The following SLC5A4 variants were observed in gnomAD, a reference collection of about 807,000 sequenced individuals.
SLC5A4 encodes probable glucose sensor protein SLC5A4.
Under a neutral mutation model 70.3 loss-of-function variants are expected in SLC5A4, and 55 were observed. That is an observed-to-expected ratio of 0.78 (90% CI 0.63 to 0.98). The LOEUF (loss-of-function observed/expected upper bound fraction) is 0.98, where lower values mean the gene tolerates loss of function less well. Ranked by LOEUF, SLC5A4 falls within the 50% of genes least tolerant of loss-of-function variation. The pLI is 0.00. For synonymous variants in SLC5A4, 268 were observed against 305.7 expected, an observed-to-expected ratio of 0.88 and a Z score of 1.29; for missense variants, 735 against 839.2, an observed-to-expected ratio of 0.88 and a Z score of 1.53.
chr22:32,329,686 T>A, the SLC5A4 span, among the ~76,000 whole-genome samples: 3 of 26,840 alleles, frequency 1.1e-4, no homozygotes, highest in African/African-American at 2.0e-4. Flanking sequence ...GGGGCTCTGG[T>A]GTGTGTGTGT....
At chr22:32,279,144 C>A in the SLC5A4 span, among the ~76,000 whole-genome samples, 3 of 151,856 alleles carry the variant, frequency 2.0e-5, no homozygotes, top group Non-Finnish European at 4.4e-5. Flanking sequence ...GGCGTGGTGG[C>A]GGGCACCTGT....
the SLC5A4 span, among the ~76,000 whole-genome samples, chr22:32,326,099 G>C: frequency 3.9e-5 from 6 of 152,222 alleles, no homozygotes; most frequent in African/African-American, 1.4e-4. Flanking sequence ...CCAGAATGCA[G>C]ACCCTCTGTG....
chr22:32,265,854 C>G, the SLC5A4 span, among the ~76,000 whole-genome samples: 1 of 152,044 alleles, frequency 6.6e-6, no homozygotes, highest in Non-Finnish European at 1.5e-5. Flanking sequence ...AAAGGAAAAA[C>G]AAAACAAAAC....
intron 13 of SLC5A4, 122 bp from the exon 14 acceptor site, chr22:32,221,144 G>A (rs1925059014): frequency 5.4e-6 from 3 of 551,684 alleles, no homozygotes; most frequent in African/African-American, 1.9e-5. Context: ...GGAGAATATA[G>A]ATCACAAAGA....
intron 3 of SLC5A4, among the ~76,000 whole-genome samples, chr22:32,249,196 G>T (rs117823002): frequency 0.013 from 1,958 of 152,324 alleles, 11 homozygotes; most frequent in South Asian, 0.027. Flanking sequence ...CACATACAGT[G>T]ACGATAATAA....
the SLC5A4 span, among the ~76,000 whole-genome samples, chr22:32,354,617 G>A: frequency 6.6e-6 from 1 of 151,632 alleles, no homozygotes; most frequent in African/African-American, 2.4e-5. Context: ...ACTGCCGCTA[G>A]CAGTACAGCT....
upstream of SLC5A4, among the ~76,000 whole-genome samples, chr22:32,255,883 G>T (rs1440639710): frequency 6.6e-6 from 1 of 152,190 alleles, no homozygotes. Context: ...GGCTCTTCAA[G>T]CACCATATGT....
chr22:32,267,115 C>T, the SLC5A4 span, among the ~76,000 whole-genome samples: 16 of 152,322 alleles, frequency 1.1e-4, no homozygotes, highest in South Asian at 1.9e-3. Flanking sequence ...ATCTTACCAA[C>T]GCCCACAATA....
At chr22:32,312,569 C>T in the SLC5A4 span, among the ~76,000 whole-genome samples, 2 of 152,014 alleles carry the variant, frequency 1.3e-5, no homozygotes, top group African/African-American at 2.4e-5. Flanking sequence ...TCTCAGAAGC[C>T]ACCAGCCCAA....
At chr22:32,309,283 C>G in the SLC5A4 span, among the ~76,000 whole-genome samples, 2 of 152,188 alleles carry the variant, frequency 1.3e-5, no homozygotes, top group African/African-American at 4.8e-5. Context: ...CACACAGTTC[C>G]CAGTGAGAAA....
chr22:32,220,769 T>A, intron 14 of SLC5A4, 151 bp downstream of exon 14: 1 of 653,464 alleles, frequency 1.5e-6, no homozygotes, highest in Non-Finnish European at 2.7e-6. Context: ...TATGTTGTCT[T>A]GGTTTTTGGA....
At chr22:32,223,922 G>T (rs1245939944) in intron 13 of SLC5A4, among the ~76,000 whole-genome samples, 1 of 151,944 alleles carries the variant, frequency 6.6e-6, no homozygotes, top group African/African-American at 2.4e-5. Flanking sequence ...AAAAGGCAAG[G>T]AACTCTTTTT....
the SLC5A4 span, among the ~76,000 whole-genome samples, chr22:32,266,946 T>G: frequency 1.3e-5 from 2 of 152,366 alleles, no homozygotes; most frequent in South Asian, 2.1e-4. Context: ...CTAATGAGTG[T>G]GGTTTTAGGA....
chr22:32,249,582 AG>A (rs1227519341), intron 3 of SLC5A4, among the ~76,000 whole-genome samples: 2 of 152,212 alleles, frequency 1.3e-5, no homozygotes, highest in Non-Finnish European at 2.9e-5. Flanking sequence ...TCAGCAGGGG[AG>A]GGGCACAGGT....
the SLC5A4 span, among the ~76,000 whole-genome samples, chr22:32,352,816 C>T: frequency 6.6e-6 from 1 of 152,248 alleles, no homozygotes. Context: ...TGTGCCCTGG[C>T]GGCAGCCAGC....
At chr22:32,276,492 T>G in the SLC5A4 span, among the ~76,000 whole-genome samples, 12 of 152,362 alleles carry the variant, frequency 7.9e-5, no homozygotes, top group Middle Eastern at 3.4e-3. Context: ...GAGAACAAAC[T>G]ATTTTCAAGT....
the SLC5A4 span, among the ~76,000 whole-genome samples, chr22:32,291,255 AC>A: frequency 4.0e-4 from 54 of 135,352 alleles, no homozygotes; most frequent in African/African-American, 1.3e-3. Context: ...CCAGGCTGCC[AC>A]CCTCCGCCTC....
Position 32,219,630 on chromosome 22 carries a change from CAAAAAAAAAAAA to C in SLC5A4, c.1769-917_1769-906del. On this transcript the variant is annotated intron_variant, in intron 14 of 14. Coordinates refer to ENST00000266086, the MANE Select transcript of SLC5A4 (RefSeq NM_014227.3). ...ATGAATGAGTTAATATCCAACTTAG[CAAAAAAAAAAAA>C]AAAAAAAAAAGAATAAACCTAAATA... Among the ~76,000 whole-genome samples, 4 of 28,860 alleles carry C rather than the reference CAAAAAAAAAAAA, an allele frequency of 1.4e-4. No homozygotes were observed. In the South Asian group the frequency reaches 5.8e-3, roughly 42 times the overall value. The allele number at this position is 28,860 out of a possible 152,430, so 18.9% of individuals were successfully genotyped here.
chr22:32,295,212 T>C, the SLC5A4 span, among the ~76,000 whole-genome samples: 97 of 92,322 alleles, frequency 1.1e-3, no homozygotes, highest in South Asian at 2.9e-3. Context: ...ATGGTATTTC[T>C]AGTTCTAGAT....
Sources: gnomAD v4.1 joint callset for allele counts (sites outside exome capture counted in the v4.1 genomes callset) on GRCh38, gnomAD v4.1.1 for gene constraint, MANE v1.5 for transcripts, NCBI Gene and HGNC (gene_info 2026-07-23, HGNC 2026-07-21) for gene names.